FNIP2: variants seen among roughly 807,000 people sequenced by gnomAD.
The protein encoded by FNIP2 is folliculin-interacting protein 2.
FNIP2 carries 32 observed loss-of-function variants against 108.7 expected under a neutral mutation model. The ratio of observed to expected loss-of-function variants is 0.29; its 90% CI spans 0.22 to 0.40. The LOEUF is 0.40. Among genes scored for constraint, FNIP2 ranks in the 10% least tolerant of loss-of-function variants. The pLI, the probability that FNIP2 is intolerant of heterozygous loss-of-function variation, is 1.00. For synonymous variants in FNIP2, 480 were observed against 496.7 expected (o/e 0.97, Z 0.45); for missense variants, 1,202 against 1,381.6 (o/e 0.87, Z 2.06).
At chr4:158,826,323 G>T (rs1778155367) in intron 2 of FNIP2, among the ~76,000 whole-genome samples, 1 of 152,224 alleles carries the variant, frequency 6.6e-6, no homozygotes, top group Admixed American at 6.5e-5. Flanking sequence ...TTGCTGGTGA[G>T]TTGCAATCCA....
At chr4:158,788,235 G>C (rs907401839) in intron 1 of FNIP2, among the ~76,000 whole-genome samples, 3 of 152,206 alleles carry the variant, frequency 2.0e-5, no homozygotes, top group Non-Finnish European at 4.4e-5. Context: ...GGAAGCCTTT[G>C]CCGATAATCT....
chr4:158,842,294 AAT>A (rs1318189410), intron 7 of FNIP2, among the ~76,000 whole-genome samples: 1 of 152,242 alleles, frequency 6.6e-6, no homozygotes, highest in Non-Finnish European at 1.5e-5. Flanking sequence ...TCTAAGAAAA[AAT>A]ATGTGATACT....
chr4:158,805,826 C>T (rs2126487614), intron 1 of FNIP2, among the ~76,000 whole-genome samples: 1 of 152,336 alleles, frequency 6.6e-6, no homozygotes, highest in East Asian at 1.9e-4. Context: ...TACATAATCT[C>T]CAGCTAGGGT....
At chr4:158,849,801 TAA>T (rs55717420) in intron 7 of FNIP2, among the ~76,000 whole-genome samples, 38 of 141,456 alleles carry the variant, frequency 2.7e-4, no homozygotes, top group Admixed American at 5.0e-4. Context: ...ACAGTTTGGT[TAA>T]AAAAAAAAAA....
intron 1 of FNIP2, among the ~76,000 whole-genome samples, chr4:158,800,151 T>A (rs764503396): frequency 6.6e-6 from 1 of 152,192 alleles, no homozygotes; most frequent in East Asian, 1.9e-4. Context: ...TTTCTTTTCC[T>A]TATCTCTGTG....
At chr4:158,799,418 T>C (rs1222359777) in intron 1 of FNIP2, among the ~76,000 whole-genome samples, 1 of 152,248 alleles carries the variant, frequency 6.6e-6, no homozygotes, top group Non-Finnish European at 1.5e-5. Flanking sequence ...GGTACTACCA[T>C]AGAGCAGTTT....
chr4:158,838,401 G>T (rs1254396098), intron 7 of FNIP2, among the ~76,000 whole-genome samples: 4 of 151,620 alleles, frequency 2.6e-5, no homozygotes. Flanking sequence ...TTATATTTTT[G>T]GTAGAGATGG....
Position 158,906,602 on chromosome 4 carries a change from T to G in FNIP2, c.*2058T>G, listed in dbSNP as rs779120578. 2 of 152,144 alleles carry G rather than the reference T, an allele frequency of 1.3e-5. No homozygotes were observed. The highest frequency in any genetic ancestry group is 2.9e-5 in the Non-Finnish European group (2 of 68,028). The allele number at this position is 152,144 out of a possible 1,614,324, so 9.4% of individuals were successfully genotyped here. On this transcript the variant is annotated 3_prime_UTR_variant, in exon 17 of 17. Coordinates refer to ENST00000264433, the MANE Select transcript of FNIP2 (RefSeq NM_020840.3). Reference sequence around the variant, plus strand: ...AATTTAATGTTCCAAAACTCACTCTTGGAAAAATGCCTGTTGGAAAACTAC... The same window carrying G: ...AATTTAATGTTCCAAAACTCACTCTGGGAAAAATGCCTGTTGGAAAACTAC...
Position 158,859,059 on chromosome 4 carries a change from C to T in FNIP2, c.860C>T (p.Ser287Leu), listed in dbSNP as rs771998730. The T allele has an allele frequency of 6.2e-7, 1 of 1,613,640 alleles. No homozygotes were observed. Among genetic ancestry groups the T allele is most frequent in the East Asian group, 2.2e-5 (1 of 44,866 alleles). Residue 287 changes from serine to leucine, a missense_variant and splice_region_variant, in exon 9 of 17, where the codon TCA becomes TTA. Ser to Leu is a moderately radical substitution (Grantham distance 145). This residue lies in a region of FNIP2 where 878 missense variants were observed against 990.3 expected (regional missense o/e 0.89). Coordinates refer to ENST00000264433, the MANE Select transcript of FNIP2 (RefSeq NM_020840.3). ...SLENGIIPRR[S>L]TDETFSLAEE... Reference sequence around the variant, plus strand: ...TTCAAACTTATATTTCCCTCCAGGTCAACTGATGAGACATTCAGCTTGGCT... The same window carrying T: ...TTCAAACTTATATTTCCCTCCAGGTTAACTGATGAGACATTCAGCTTGGCT...
chr4:158,809,414 G>A (rs1049784385), intron 1 of FNIP2, among the ~76,000 whole-genome samples: 1 of 152,182 alleles, frequency 6.6e-6, no homozygotes, highest in African/African-American at 2.4e-5. Flanking sequence ...AGCCGAGATC[G>A]TGCCACTGCA....
chr4:158,832,114 G>A lies in FNIP2; in HGVS notation c.530G>A (p.Gly177Asp), dbSNP rs1173829427. 6.2e-7 allele frequency: 1 copy of A among 1,613,696 alleles called. No individual in the cohort carries two copies. The highest frequency in any genetic ancestry group is 2.2e-5 in the East Asian group (1 of 44,862). ...MISKVFSARM[G>D]SFCGSTNNLQ... Reference sequence around the variant, plus strand: ...AGTAAAGTCTTCTCTGCTAGAATGGGCAGCTTCTGTGGAAGTACAAATAAG... The same window carrying A: ...AGTAAAGTCTTCTCTGCTAGAATGGACAGCTTCTGTGGAAGTACAAATAAG... Residue 177 changes from glycine to aspartate, a missense_variant, in exon 5 of 17, where the codon GGC becomes GAC. This residue lies in a region of FNIP2 where 878 missense variants were observed against 990.3 expected (regional missense o/e 0.89). Transcript: ENST00000264433.
At chr4:158,834,867 G>A (rs1389579588) in intron 6 of FNIP2, 1 of 154,132 alleles carries the variant, frequency 6.5e-6, no homozygotes, top group Non-Finnish European at 1.4e-5. Context: ...AAGAAATGGA[G>A]GAAGAAATAT....
At chr4:158,904,349 A>G in intron 16 of FNIP2, 117 bp from the exon 17 acceptor site, 1 of 891,750 alleles carries the variant, frequency 1.1e-6, no homozygotes, top group Non-Finnish European at 1.7e-6. Context: ...TTAGTTTTAA[A>G]TGATAATCTA....
chr4:158,906,583 ATG>A lies in FNIP2; in HGVS notation c.*2041_*2042del, dbSNP rs1729863033. 1 of 152,206 alleles carries A rather than the reference ATG, an allele frequency of 6.6e-6. No individual in the cohort carries two copies. Among genetic ancestry groups the A allele is most frequent in the Non-Finnish European group, 1.5e-5 (1 of 68,034 alleles). The allele number at this position is 152,206 out of a possible 1,614,324, so 9.4% of individuals were successfully genotyped here. On this transcript the variant is annotated 3_prime_UTR_variant, in exon 17 of 17. Coordinates refer to ENST00000264433, the MANE Select transcript of FNIP2 (RefSeq NM_020840.3). ...GAAAATTTAATTTGCTCTTAATTTA[ATG>A]TTCCAAAACTCACTCTTGGAAAAAT...
chr4:158,897,500 TTTG>T (rs1782799482), intron 16 of FNIP2, among the ~76,000 whole-genome samples: 1 of 152,176 alleles, frequency 6.6e-6, no homozygotes, highest in African/African-American at 2.4e-5. Flanking sequence ...CTCTCAAGCA[TTTG>T]TTTTTTCCTG....
At chr4:158,809,342 C>T (rs1777144071) in intron 1 of FNIP2, among the ~76,000 whole-genome samples, 1 of 152,096 alleles carries the variant, frequency 6.6e-6, no homozygotes, top group Admixed American at 6.5e-5. Context: ...ACCTGTAATC[C>T]CAGCTACTTG....
At chr4:158,867,464 T>C (rs1780647338) in intron 12 of FNIP2, among the ~76,000 whole-genome samples, 1 of 152,222 alleles carries the variant, frequency 6.6e-6, no homozygotes, top group Admixed American at 6.5e-5. Flanking sequence ...AGTGCTGATA[T>C]TACAGGCATA....
intron 1 of FNIP2, among the ~76,000 whole-genome samples, chr4:158,804,897 A>T (rs138885357): frequency 0.011 from 1,676 of 152,280 alleles, 11 homozygotes; most frequent in Non-Finnish European, 0.016. Context: ...TCAATTTAGC[A>T]TGTGCCACAG....
At chr4:158,803,572 A>C (rs1039218608) in intron 1 of FNIP2, among the ~76,000 whole-genome samples, 14 of 152,224 alleles carry the variant, frequency 9.2e-5, no homozygotes, top group African/African-American at 3.4e-4. Flanking sequence ...AACATAAGGA[A>C]ATTTGAAGTC....
Sources: gnomAD v4.1 joint callset for allele counts (sites outside exome capture counted in the v4.1 genomes callset) on GRCh38, gnomAD v4.1.1 for gene constraint, gnomAD v4.1.1 regional missense constraint, MANE v1.5 for transcripts, NCBI Gene and HGNC (gene_info 2026-07-23, HGNC 2026-07-21) for gene names.